The following CEP112 variants were observed in gnomAD, a reference collection of about 807,000 sequenced individuals.
The protein encoded by CEP112 is centrosomal protein of 112 kDa.
A neutral mutation model predicts 153.0 loss-of-function variants in CEP112; 127 were observed. The ratio of observed to expected loss-of-function variants is 0.83; its 90% CI spans 0.72 to 0.96. The LOEUF (loss-of-function observed/expected upper bound fraction) is 0.96. CEP112 is among the 40% of genes least tolerant of loss of function. The pLI, the probability that CEP112 is intolerant of heterozygous loss-of-function variation, is 0.00. For synonymous variants in CEP112, 358 were observed against 374.4 expected (o/e 0.96, Z 0.51); for missense variants, 1,089 against 1,101.2 (o/e 0.99, Z 0.16).
At chr17:65,913,434 C>G (rs1204365205) in intron 19 of CEP112, 1 of 905,040 alleles carries the variant, frequency 1.1e-6, no homozygotes, top group Non-Finnish European at 1.3e-6. Context: ...ACAGAAAATA[C>G]TACAATCTGG....
At chr17:65,767,940 C>T (rs941220630) in intron 21 of CEP112, among the ~76,000 whole-genome samples, 2 of 152,002 alleles carry the variant, frequency 1.3e-5, no homozygotes, top group African/African-American at 4.8e-5. Context: ...TTCTACCAAA[C>T]TTTCAAAAAA....
At chr17:65,743,388 G>C (rs889421121) in intron 22 of CEP112, among the ~76,000 whole-genome samples, 171 bp from the exon 23 acceptor site, 2 of 152,042 alleles carry the variant, frequency 1.3e-5, no homozygotes, top group African/African-American at 2.4e-5. Context: ...CACAATAAAA[G>C]ACTTTAATAA....
At chr17:66,114,847 A>G (rs2069210542) in intron 6 of CEP112, among the ~76,000 whole-genome samples, 1 of 152,096 alleles carries the variant, frequency 6.6e-6, no homozygotes, top group Admixed American at 6.6e-5. Context: ...AGGAAAACAT[A>G]TATTAAAACC....
intron 24 of CEP112, among the ~76,000 whole-genome samples, chr17:65,666,990 T>A (rs1306222474): frequency 1.3e-5 from 2 of 152,198 alleles, no homozygotes; most frequent in Non-Finnish European, 2.9e-5. Context: ...GGAAACTTAA[T>A]GCTAAGTCAG....
intron 20 of CEP112, among the ~76,000 whole-genome samples, chr17:65,899,011 T>A (rs965843935): frequency 2.0e-5 from 3 of 152,220 alleles, no homozygotes; most frequent in Non-Finnish European, 4.4e-5. Flanking sequence ...GGATAAACTA[T>A]AGAAATTCTT....
intron 6 of CEP112, among the ~76,000 whole-genome samples, chr17:66,097,600 T>G (rs73992239): frequency 6.6e-6 from 1 of 152,206 alleles, no homozygotes; most frequent in Non-Finnish European, 1.5e-5. Flanking sequence ...ATAGCCCTTA[T>G]GTAATACTTT....
chr17:66,087,467 CA>C (rs1384422483), intron 8 of CEP112, among the ~76,000 whole-genome samples: 2 of 152,066 alleles, frequency 1.3e-5, no homozygotes, highest in Non-Finnish European at 2.9e-5. Context: ...AAATTCAAAA[CA>C]AGAGCTCAAA....
intron 21 of CEP112, among the ~76,000 whole-genome samples, chr17:65,811,371 C>CA (rs2055942638): frequency 6.6e-6 from 1 of 152,088 alleles, no homozygotes; most frequent in Non-Finnish European, 1.5e-5. Flanking sequence ...TCCCACAGGG[C>CA]AAAAAACTGC....
chr17:65,818,641 C>T (rs1186597303), intron 21 of CEP112, among the ~76,000 whole-genome samples: 2 of 151,734 alleles, frequency 1.3e-5, no homozygotes, highest in African/African-American at 2.4e-5. Flanking sequence ...TTTGGGGACC[C>T]CCTTAGATGG....
chr17:66,137,006 C>T (rs529626823), intron 4 of CEP112, among the ~76,000 whole-genome samples: 1 of 151,928 alleles, frequency 6.6e-6, no homozygotes, highest in Non-Finnish European at 1.5e-5. Context: ...AAGAAAGGAA[C>T]AAAATAAATC....
intron 12 of CEP112, among the ~76,000 whole-genome samples, chr17:66,042,266 C>T (rs1434174884): frequency 9.2e-5 from 14 of 152,116 alleles, no homozygotes; most frequent in Admixed American, 9.2e-4. Flanking sequence ...AGGAGAATCA[C>T]CTGAACCCAG....
At chr17:65,933,157 G>T (rs1331949241) in intron 18 of CEP112, among the ~76,000 whole-genome samples, 1 of 151,812 alleles carries the variant, frequency 6.6e-6, no homozygotes, top group Non-Finnish European at 1.5e-5. Flanking sequence ...AAAGTAAAAA[G>T]AATAAAGAAG....
intron 5 of CEP112, among the ~76,000 whole-genome samples, chr17:66,132,065 A>G (rs2070195678): frequency 6.8e-6 from 1 of 146,002 alleles, no homozygotes; most frequent in Non-Finnish European, 1.5e-5. Context: ...GCTACTTGGG[A>G]GGCTGAGGCA....
At chr17:65,961,014 A>AG (rs1295490169) in intron 18 of CEP112, among the ~76,000 whole-genome samples, 2 of 152,002 alleles carry the variant, frequency 1.3e-5, no homozygotes, top group Admixed American at 1.3e-4. Context: ...AAAACTAAAA[A>AG]AAAAAAAACT....
At chr17:65,772,588 AC>A (rs1427419216) in intron 21 of CEP112, among the ~76,000 whole-genome samples, 3 of 92,490 alleles carry the variant, frequency 3.2e-5, no homozygotes, top group Non-Finnish European at 4.0e-5. Flanking sequence ...ACACACACAC[AC>A]ACACACACAC....
intron 6 of CEP112, among the ~76,000 whole-genome samples, chr17:66,116,000 C>T (rs547916978): frequency 2.2e-4 from 34 of 152,234 alleles, no homozygotes; most frequent in African/African-American, 7.0e-4. Context: ...AAAATGAAGG[C>T]CACACTGAGT....
In CEP112 at chr17:66,183,183, C is replaced by T. The variant is rs1376162614; in HGVS notation, c.106+11G>A. The T allele has an allele frequency of 6.6e-7, 1 of 1,521,430 alleles. No individual in the cohort carries two copies. The highest frequency in any genetic ancestry group is 2.3e-5 in the East Asian group (1 of 43,876). 94.2% of individuals were successfully genotyped at this position (1,521,430 alleles called of 1,614,324 possible). A position where few individuals can be genotyped will look rare whatever the true frequency, so the allele number is the denominator to read the frequency against. On this transcript the variant is annotated intron_variant, in intron 2 of 26. Transcript: ENST00000535342. ...TAATCTTAAGAATCTAATCTTCAAACATAATCTTACCTGTCCTATGAGGTA... is the reference window on the plus strand; with the variant it reads ...TAATCTTAAGAATCTAATCTTCAAATATAATCTTACCTGTCCTATGAGGTA...
Position 66,183,194 on chromosome 17 carries a change from C to A in CEP112, c.106G>T (p.Glu36Ter). The change falls in exon 2 of 27, where the codon GAA becomes TAA. Residue 36 changes from glutamate to a stop codon, truncating the protein, a stop_gained and splice_region_variant. Transcript: ENST00000535342. LOFTEE classifies it high-confidence loss of function. ...PFVLKLPHRT[E>*]RQRCALWIRK... ...ATCTAATCTTCAAACATAATCTTAC[C>A]TGTCCTATGAGGTAATTTTAGAACA... 2 of 1,563,810 alleles carry A rather than the reference C, an allele frequency of 1.3e-6. No homozygotes were observed. Among genetic ancestry groups the A allele is most frequent in the South Asian group, 1.2e-5 (1 of 83,500 alleles).
At chr17:65,658,217 G>A (rs1367486797) in intron 24 of CEP112, among the ~76,000 whole-genome samples, 1 of 152,190 alleles carries the variant, frequency 6.6e-6, no homozygotes, top group Non-Finnish European at 1.5e-5. Context: ...AGCCTGTACT[G>A]TGCCCATTTA....
Sources: allele counts gnomAD v4.1 joint callset (sites outside exome capture counted in the v4.1 genomes callset), GRCh38; gene constraint gnomAD v4.1.1; transcripts MANE v1.5; gene names NCBI Gene and HGNC (gene_info 2026-07-23, HGNC 2026-07-21).